The following MTUS2 variants were observed in gnomAD, a reference collection of about 807,000 sequenced individuals.
MTUS2 encodes microtubule associated scaffold protein 2.
MTUS2 carries 40 observed loss-of-function variants against 114.1 expected under a neutral mutation model. That is an observed-to-expected ratio of 0.35 (90% CI 0.27 to 0.46). MTUS2 has a LOEUF of 0.46. Ranked by LOEUF, MTUS2 falls within the 20% of genes least tolerant of loss-of-function variation. MTUS2 has a pLI of 1.00. For synonymous variants in MTUS2, 688 were observed against 672.0 expected (o/e 1.02, Z -0.37); for missense variants, 1,679 against 1,705.4 (o/e 0.98, Z 0.27).
At chr13:29,005,247 G>C (rs976199153) in intron 2 of MTUS2, among the ~76,000 whole-genome samples, 1 of 152,118 alleles carries the variant, frequency 6.6e-6, no homozygotes, top group African/African-American at 2.4e-5. Context: ...CATTATGGTC[G>C]AGGGCCCCAC....
chr13:29,003,233 T>G (rs1008325595), intron 2 of MTUS2, among the ~76,000 whole-genome samples: 1 of 152,298 alleles, frequency 6.6e-6, no homozygotes, highest in African/African-American at 2.4e-5. Context: ...AATTAATGAT[T>G]TAGTTTTCAT....
At chr13:28,850,036 A>C (rs1876161608) in intron 2 of MTUS2, among the ~76,000 whole-genome samples, 1 of 152,132 alleles carries the variant, frequency 6.6e-6, no homozygotes, top group Non-Finnish European at 1.5e-5. Flanking sequence ...GCAGCTTTTC[A>C]TGGTTGGTGG....
At chr13:29,000,556 G>A (rs1885339016) in intron 2 of MTUS2, among the ~76,000 whole-genome samples, 2 of 152,208 alleles carry the variant, frequency 1.3e-5, no homozygotes, top group Middle Eastern at 3.4e-3. Flanking sequence ...GGTAGAAACA[G>A]GGCTTCGCCA....
intron 9 of MTUS2, among the ~76,000 whole-genome samples, chr13:29,449,645 G>A (rs58854446): frequency 0.065 from 9,735 of 150,650 alleles, 1,044 homozygotes; most frequent in African/African-American, 0.22. Context: ...TATAGCATTC[G>A]CACCCTGACC....
At chr13:29,208,826 A>AT (rs1244300893) in intron 5 of MTUS2, among the ~76,000 whole-genome samples, 1 of 152,084 alleles carries the variant, frequency 6.6e-6, no homozygotes, top group Non-Finnish European at 1.5e-5. Flanking sequence ...TCTGAAATTT[A>AT]TTGAGACTTC....
At chr13:29,383,488 TA>T (rs1872402162) in intron 8 of MTUS2, among the ~76,000 whole-genome samples, 1 of 152,152 alleles carries the variant, frequency 6.6e-6, no homozygotes, top group African/African-American at 2.4e-5. Flanking sequence ...GACGTGTTTC[TA>T]AGGCAAGGAT....
At chr13:28,875,814 GTTAC>G (rs1290593044) in intron 2 of MTUS2, among the ~76,000 whole-genome samples, 6 of 152,164 alleles carry the variant, frequency 3.9e-5, no homozygotes, top group African/African-American at 1.2e-4. Context: ...AAAGACAACA[GTTAC>G]TTAAGTGATC....
chr13:29,039,951 C>T (rs1414097957), intron 4 of MTUS2, among the ~76,000 whole-genome samples: 2 of 152,124 alleles, frequency 1.3e-5, no homozygotes, highest in South Asian at 2.1e-4. Flanking sequence ...TCATTTCTCT[C>T]GTTTAATTTC....
chr13:29,304,379 T>C (rs181105723), intron 6 of MTUS2, among the ~76,000 whole-genome samples: 2 of 139,420 alleles, frequency 1.4e-5, no homozygotes, highest in Non-Finnish European at 3.1e-5. Flanking sequence ...ATCAGTATGC[T>C]GTTTTCAAGA....
In MTUS2 at chr13:29,024,690, G is replaced by C. The variant is rs779237388; in HGVS notation, c.-9G>C. 4 of 1,612,672 alleles carry C rather than the reference G, an allele frequency of 2.5e-6. No homozygotes were observed. The highest frequency in any genetic ancestry group is 3.4e-6 in the Non-Finnish European group (4 of 1,179,352). On this transcript the variant is annotated 5_prime_UTR_variant, in exon 3 of 16. Transcript: ENST00000612955. ...CTGCATGGCAAGCAGCCCCACCAAA[G>C]GGTTGACAATGAGCGTCCCAGTGGC...
At chr13:29,236,915 G>T (rs1896556240) in intron 5 of MTUS2, among the ~76,000 whole-genome samples, 1 of 152,214 alleles carries the variant, frequency 6.6e-6, no homozygotes, top group South Asian at 2.1e-4. Flanking sequence ...ATCAATTCTT[G>T]TTCTCTGTTG....
intron 8 of MTUS2, among the ~76,000 whole-genome samples, chr13:29,396,261 T>C (rs1200094319): frequency 6.6e-6 from 1 of 152,192 alleles, no homozygotes; most frequent in African/African-American, 2.4e-5. Flanking sequence ...ACCAACACAC[T>C]GAACATATAA....
intron 5 of MTUS2, among the ~76,000 whole-genome samples, chr13:29,213,282 C>G (rs1202541768): frequency 6.6e-6 from 1 of 152,322 alleles, no homozygotes; most frequent in Non-Finnish European, 1.5e-5. Context: ...TCTTGGTAAA[C>G]ATTTCATGCC....
intron 2 of MTUS2, among the ~76,000 whole-genome samples, chr13:29,019,157 A>C (rs906271514): frequency 7.2e-5 from 11 of 152,106 alleles, no homozygotes; most frequent in Admixed American, 7.2e-4. Flanking sequence ...TTTCAGCGTC[A>C]TGATTGACAG....
chr13:29,453,314 C>CT (rs1878871000), intron 9 of MTUS2, among the ~76,000 whole-genome samples: 1 of 152,200 alleles, frequency 6.6e-6, no homozygotes, highest in Non-Finnish European at 1.5e-5. Context: ...TCGTGAACCT[C>CT]TTATTTTTCA....
chr13:29,456,923 G>A (rs1363094287), intron 9 of MTUS2, among the ~76,000 whole-genome samples: 1 of 151,806 alleles, frequency 6.6e-6, no homozygotes, highest in Non-Finnish European at 1.5e-5. Context: ...GAATCACGAG[G>A]TCAGGAGATG....
In MTUS2 at chr13:28,953,519, A is replaced by G. The variant is rs369614964; in HGVS notation, c.-242-70938A>G. Among the ~76,000 whole-genome samples the G allele has an allele frequency of 5.3e-5, 8 of 152,290 alleles. No homozygotes were observed. The South Asian group carries it at 8.3e-4, about 16-fold the overall frequency. On this transcript the variant is annotated intron_variant, in intron 2 of 15. Transcript: ENST00000612955. ...AGTGAAACTCTGTCTCAAAAGCTCT[A>G]TTGATATCAGCATTTTATTTAAAAA...
intron 8 of MTUS2, among the ~76,000 whole-genome samples, chr13:29,416,830 GTTTT>G (rs1241303163): frequency 2.1e-4 from 32 of 151,002 alleles, no homozygotes; most frequent in African/African-American, 7.2e-4. Flanking sequence ...TAGAGGTTTT[GTTTT>G]GTTTTGTTTT....
intron 2 of MTUS2, among the ~76,000 whole-genome samples, chr13:28,938,410 C>T (rs1882040424): frequency 6.6e-6 from 1 of 151,614 alleles, no homozygotes; most frequent in Non-Finnish European, 1.5e-5. Context: ...TTTTGATTTC[C>T]TAAAGAATTT....
Sources: gnomAD v4.1 joint callset for allele counts (sites outside exome capture counted in the v4.1 genomes callset) on GRCh38, gnomAD v4.1.1 for gene constraint, MANE v1.5 for transcripts, NCBI Gene and HGNC (gene_info 2026-07-23, HGNC 2026-07-21) for gene names.